CCDC78: variants seen among roughly 807,000 people sequenced by gnomAD.
CCDC78 encodes the protein coiled-coil domain containing 78, also known as coiled-coil domain-containing protein 78.
In CCDC78, 78 loss-of-function variants were observed where a neutral mutation model predicts 61.9. That is an observed-to-expected ratio of 1.26 (90% CI 1.05 to 1.52). The LOEUF (loss-of-function observed/expected upper bound fraction) is 1.52. CCDC78 is among the 40% of genes most tolerant of loss of function. The pLI, the probability that CCDC78 is intolerant of heterozygous loss-of-function variation, is 0.00. For synonymous variants in CCDC78, 287 were observed against 251.9 expected (o/e 1.14, Z -1.32); for missense variants, 737 against 615.5 (o/e 1.20, Z -2.09).
intron 2 of CCDC78, 34 bp from the exon 3 acceptor site, chr16:725,914 G>A (rs1488693786): frequency 1.3e-6 from 2 of 1,590,374 alleles, no homozygotes; most frequent in Non-Finnish European, 1.7e-6. Flanking sequence ...GGCGTCTGTG[G>A]GCCCTGCTGG....
At chr16:723,520 G>A (rs751598874) in intron 11 of CCDC78, 5 of 672,086 alleles carry the variant, frequency 7.4e-6, no homozygotes, top group African/African-American at 1.8e-5. Flanking sequence ...GAACATGGAG[G>A]CCCAGAGGCA....
In CCDC78 at chr16:725,028, A is replaced by C. The variant is rs1167855611; in HGVS notation, c.561-39T>G. 4 of 1,612,452 alleles carry C rather than the reference A, an allele frequency of 2.5e-6. No individual in the cohort carries two copies. The African/African-American group carries it at 5.3e-5, about 21-fold the overall frequency. On this transcript the variant is annotated intron_variant, in intron 6 of 13. Transcript: ENST00000345165. ...GGTGAGGCTCAGCAGGCCCACGATC[A>C]GGGGTTCTCTCTGCTCCAGGATGGG...
Position 723,874 on chromosome 16 carries a change from C to A in CCDC78, c.1116G>T (p.Gly372=), listed in dbSNP as rs1376859989. 1 of 1,594,582 alleles carries A rather than the reference C, an allele frequency of 6.3e-7. No individual in the cohort carries two copies. The highest frequency in any genetic ancestry group is 8.5e-7 in the Non-Finnish European group (1 of 1,170,844). ...PKKRPGGASQ[G]GTSEPQGLDA... ...GCACTCACTGTGGCTCTGATGTTCCCCCCTGGGAGGCTCCACCGGGTCTCT... is the reference window on the plus strand; with the variant it reads ...GCACTCACTGTGGCTCTGATGTTCCACCCTGGGAGGCTCCACCGGGTCTCT... Residue 372 remains glycine, a synonymous_variant, in exon 11 of 14, where the codon GGG becomes GGT. Coordinates refer to ENST00000345165, the MANE Select transcript of CCDC78 (RefSeq NM_001378030.1).
At position 722,996 on chromosome 16, in the gene CCDC78, C is replaced by T. The variant is rs1567311847; in HGVS notation, c.1227G>A (p.Gln409=). ...CAGCCATCGTGGCCCGGACCAGCAG[C>T]TGTGCCCGCTCCCGTTCCAGCTCTG... The part of the protein sequence containing the change: ...TQAELERERA[Q]LLVRATMAEE... The change falls in exon 13 of 14, where the codon CAG becomes CAA. Residue 409 remains glutamine, a synonymous_variant. Transcript: ENST00000345165. 6.2e-7 allele frequency: 1 copy of T among 1,612,508 alleles called. No individual in the cohort carries two copies. The highest frequency in any genetic ancestry group is 8.5e-7 in the Non-Finnish European group (1 of 1,180,008).
At position 722,746 on chromosome 16, in the gene CCDC78, C is replaced by G. The variant is rs2040318382; in HGVS notation, c.1345G>C (p.Gly449Arg). Residue 449 changes from glycine (G) to arginine (R), a missense_variant, in exon 14 of 14, where the codon GGG becomes CGG. Transcript: ENST00000345165. Reference sequence around the variant, plus strand: ...ACAGCCCCCACTTTCCAGGGGTCCCCTGCACCTGCCAGCTTCCTCAGCCTC... The same window carrying G: ...ACAGCCCCCACTTTCCAGGGGTCCCGTGCACCTGCCAGCTTCCTCAGCCTC... ...ILRLRKLAGA[G>R]DPWKVGAVPP... is the part of the protein sequence containing the mutation. 6.2e-7 allele frequency: 1 copy of G among 1,612,136 alleles called. No individual in the cohort carries two copies. The highest frequency in any genetic ancestry group is 8.5e-7 in the Non-Finnish European group (1 of 1,179,956).
rs1455716802 is a variant in CCDC78 at position 725,868 on chromosome 16, G to C, written c.193C>G (p.Leu65Val). ...KEQQLQISKE[L>V]VDIQITTHHL... The stretch of plus-strand genomic sequence containing the variant: ...TGGGTTGTGATCTGAATGTCGACCA[G>C]CTCCTTGGAGATCTGTGGGTGGCCA... The change falls in exon 3 of 14, where the codon CTG becomes GTG. Residue 65 changes from leucine (L) to valine (V), a missense_variant. Transcript: ENST00000345165. 2.5e-6 allele frequency: 4 copies of C among 1,610,520 alleles called. No homozygotes were observed. The Admixed American group carries it at 5.0e-5, about 20-fold the overall frequency.
Position 725,094 on chromosome 16 carries a change from C to T in CCDC78, c.544G>A (p.Ala182Thr), listed in dbSNP as rs1207801176. 2 of 1,612,648 alleles carry T rather than the reference C, an allele frequency of 1.2e-6. No individual in the cohort carries two copies. Among genetic ancestry groups the T allele is most frequent in the African/African-American group, 2.7e-5 (2 of 74,932 alleles). The change falls in exon 6 of 14, where the codon GCA (alanine) becomes ACA (threonine). Residue 182 changes from alanine to threonine, a missense_variant. Transcript: ENST00000345165. The part of the protein sequence containing the change: ...ALEHQEARQQ[A>T]LVTRVATLGR... ...GCCACTCACACACGCGTCACCAGTG[C>T]CTGCTGCCGGGCCTCCTGATGCTCC...
chr16:723,209 G>T, intron 11 of CCDC78, 48 bp from the exon 12 acceptor site: 1 of 1,586,562 alleles, frequency 6.3e-7, no homozygotes, highest in South Asian at 1.1e-5. Context: ...CTGGCATGGT[G>T]ACACAGGGAC....
In CCDC78 at chr16:724,122, C is replaced by G; in HGVS notation, c.1037G>C (p.Ser346Thr). Reference protein sequence around the residue: ...PLPVPLVTDFSHREDQHGGPG... With the variant: ...PLPVPLVTDFTHREDQHGGPG... ...TAGCCTCACCTGGTCCTCCCGATGG[C>G]TGAAGTCAGTGACCAGGGGCACGGG... The change falls in exon 10 of 14, where the codon AGC becomes ACC. Residue 346 changes from serine to threonine, a missense_variant. By Grantham distance (58) the Ser-to-Thr change is moderately conservative. Coordinates refer to ENST00000345165, the MANE Select transcript of CCDC78 (RefSeq NM_001378030.1). 6.3e-7 allele frequency: 1 copy of G among 1,598,838 alleles called. No homozygotes were observed. Among genetic ancestry groups the G allele is most frequent in the Non-Finnish European group, 8.5e-7 (1 of 1,172,802 alleles).
intron 3 of CCDC78, 102 bp downstream of exon 3, chr16:725,691 AC>A: frequency 6.4e-7 from 1 of 1,570,746 alleles, no homozygotes. Flanking sequence ...GCAGGCTGAG[AC>A]CCACAGATGC....
Position 724,485 on chromosome 16 carries a change from C to T in CCDC78, c.790G>A (p.Ala264Thr). 6.3e-7 allele frequency: 1 copy of T among 1,599,984 alleles called. No homozygotes were observed. Among genetic ancestry groups the T allele is most frequent in the Non-Finnish European group, 8.5e-7 (1 of 1,179,584 alleles). The part of the protein sequence containing the change: ...AVEHADGAGQ[A>T]PATTALRTFL... Reference sequence around the variant, plus strand: ...GTCCGGAGGGCCGTGGTGGCTGGCGCTTGGCCTGCACCATCTGCGTGCTCC... The same window carrying T: ...GTCCGGAGGGCCGTGGTGGCTGGCGTTTGGCCTGCACCATCTGCGTGCTCC... The change falls in exon 9 of 14, where the codon GCG becomes ACG. Residue 264 changes from alanine to threonine, a missense_variant. Coordinates refer to ENST00000345165, the MANE Select transcript of CCDC78 (RefSeq NM_001378030.1).
In CCDC78 at chr16:725,954, C is replaced by A. The variant is rs12448311; in HGVS notation, c.180+12G>T. On this transcript the variant is annotated intron_variant, in intron 2 of 13. Transcript: ENST00000345165. The stretch of plus-strand genomic sequence containing the variant: ...CTCCCTCCTCACGAGCACGCTGGGG[C>A]CCCACACCCACCTGCAGCTGCTGCT... 0.23 allele frequency: 366,598 copies of A among 1,560,678 alleles called. 46,014 individuals carry two copies. The highest frequency in any genetic ancestry group is 0.32 in the South Asian group (27,412 of 85,828).
rs753521458 is a variant in CCDC78 at position 723,151 on chromosome 16, C to G, written c.1144G>C (p.Ala382Pro). 6.2e-7 allele frequency: 1 copy of G among 1,612,546 alleles called. No individual in the cohort carries two copies. Among genetic ancestry groups the G allele is most frequent in the East Asian group, 2.2e-5 (1 of 44,880 alleles). ...GGTSEPQGLD[A>P]ASWAQIHQKL... ...TGGTGGATCTGGGCCCAGGATGCAG[C>G]GTCCAGGCCCCTGTGAGGGGAGAGG... Residue 382 changes from alanine to proline, a missense_variant, in exon 12 of 14, where the codon GCT (alanine) becomes CCT (proline). Ala to Pro is a conservative substitution (Grantham distance 27, BLOSUM62 -1). Coordinates refer to ENST00000345165, the MANE Select transcript of CCDC78 (RefSeq NM_001378030.1).
chr16:722,868 C>T lies in CCDC78; in HGVS notation c.1301+54G>A, dbSNP rs548607734. On this transcript the variant is annotated intron_variant, in intron 13 of 13. Coordinates refer to ENST00000345165, the MANE Select transcript of CCDC78 (RefSeq NM_001378030.1). ...TTTAGCGCCTGAGGCAGCCATCATCCTTCATTCCAACCAGACCAGGGCCCT... is the reference window on the plus strand; with the variant it reads ...TTTAGCGCCTGAGGCAGCCATCATCTTTCATTCCAACCAGACCAGGGCCCT... 72 of 1,609,300 alleles carry T rather than the reference C, an allele frequency of 4.5e-5. No individual in the cohort carries two copies. In the African/African-American group the frequency reaches 8.7e-4, roughly 19 times the overall value.
At chr16:726,272 C>T in intron 1 of CCDC78, 36 bp downstream of exon 1, 1 of 1,549,634 alleles carries the variant, frequency 6.5e-7, no homozygotes, top group Non-Finnish European at 8.7e-7. Context: ...CAGACTTCAA[C>T]CCCATGGCAG....
rs1462660693 is a variant in CCDC78, at chr16:723,909, A to G, written c.1081T>C (p.Ser361Pro). 7 of 1,601,140 alleles carry G rather than the reference A, an allele frequency of 4.4e-6. No homozygotes were observed. The African/African-American group carries it at 9.4e-5, about 21-fold the overall frequency. The change falls in exon 11 of 14, where the codon TCC becomes CCC. Residue 361 changes from serine to proline, a missense_variant. By Grantham distance (74) the Ser-to-Pro change is moderately conservative. Transcript: ENST00000345165. ...QHGGPGALLS[S>P]PKKRPGGASQ... is the part of the protein sequence containing the mutation. ...GCTCCACCGGGTCTCTTTTTTGGGG[A>G]TGAGAGCAGTGCCCCAGGCCCGCCG...
In CCDC78 at chr16:724,324, G is replaced by A. The variant is rs1213401594; in HGVS notation, c.951C>T (p.Tyr317=). The part of the protein sequence containing the change: ...SRRHEELLVA[Y]RAPGNPQAIF... ...CCTCCCATCCCAGCGGGGCCCACCTGTAGGCAACCAGTAGCTCTTCATGCC... is the reference window on the plus strand; with the variant it reads ...CCTCCCATCCCAGCGGGGCCCACCTATAGGCAACCAGTAGCTCTTCATGCC... The change falls in exon 9 of 14, where the codon TAC becomes TAT. Residue 317 remains tyrosine, a splice_region_variant and synonymous_variant. Transcript: ENST00000345165. 6.2e-7 allele frequency: 1 copy of A among 1,610,598 alleles called. No individual in the cohort carries two copies. Among genetic ancestry groups the A allele is most frequent in the Admixed American group, 1.7e-5 (1 of 59,936 alleles).
chr16:723,305 C>T (rs1378328703), intron 11 of CCDC78, 144 bp from the exon 12 acceptor site: 4 of 880,972 alleles, frequency 4.5e-6, no homozygotes, highest in Admixed American at 2.2e-5. Context: ...CCCCCGTGCT[C>T]CTGTGGCGCC....
Position 725,480 on chromosome 16 carries a change from C to T in CCDC78, c.368G>A (p.Arg123Gln), listed in dbSNP as rs201924732. Residue 123 changes from arginine to glutamine, a missense_variant, in exon 4 of 14, where the codon CGG (arginine) becomes CAG (glutamine). By Grantham distance (43) the Arg-to-Gln change is conservative. Coordinates refer to ENST00000345165, the MANE Select transcript of CCDC78 (RefSeq NM_001378030.1). ...VPVESDPRHP[R>Q]AAAQELRHKA... is the part of the protein sequence containing the mutation. ...GTGTCTGAGCTCTTGGGCTGCTGCC[C>T]GGGGATGCCTGGGGTCAGACTCCAC... is the stretch of plus-strand genomic sequence containing the variant. The T allele has an allele frequency of 3.5e-5, 56 of 1,612,740 alleles. No individual in the cohort carries two copies. Among genetic ancestry groups the T allele is most frequent in the East Asian group, 2.0e-4 (9 of 44,890 alleles).
Sources: allele counts gnomAD v4.1 joint callset, GRCh38; gene constraint gnomAD v4.1.1; transcripts MANE v1.5; gene names NCBI Gene and HGNC (gene_info 2026-07-23, HGNC 2026-07-21).